Variants in CPLX2 observed in about 807,000 individuals in gnomAD.
CPLX2 encodes complexin-2.
In CPLX2, 5 loss-of-function variants were observed where a neutral mutation model predicts 16.3. The observed-to-expected ratio is 0.31, with a 90% confidence interval of 0.16 to 0.64. The LOEUF (loss-of-function observed/expected upper bound fraction) is 0.64, where lower values mean the gene tolerates loss of function less well. CPLX2 is among the 30% of genes least tolerant of loss of function. CPLX2 has a pLI of 0.79. For synonymous variants in CPLX2, 89 were observed against 73.2 expected, an observed-to-expected ratio of 1.22 and a Z score of -1.10; for missense variants, 144 against 181.4, an observed-to-expected ratio of 0.79 and a Z score of 1.18.
At chr5:175,814,206 C>T (rs184009727) in intron 2 of CPLX2, among the ~76,000 whole-genome samples, 1 of 152,340 alleles carries the variant, frequency 6.6e-6, no homozygotes, top group Admixed American at 6.5e-5. Context: ...GTCTCCAGGC[C>T]CCACCACAGC....
intron 2 of CPLX2, among the ~76,000 whole-genome samples, chr5:175,818,754 C>T (rs1399274169): frequency 1.4e-5 from 2 of 148,018 alleles, no homozygotes; most frequent in African/African-American, 2.5e-5. Flanking sequence ...CTCTGTCTCC[C>T]GGGTTCAAGC....
intron 2 of CPLX2, among the ~76,000 whole-genome samples, chr5:175,825,688 T>C (rs10062922): frequency 0.25 from 38,093 of 151,960 alleles, 5,653 homozygotes; most frequent in African/African-American, 0.4. Context: ...GCTCTCCTGG[T>C]CACCACCATC....
intron 2 of CPLX2, among the ~76,000 whole-genome samples, chr5:175,822,357 G>A (rs1251864465): frequency 6.6e-6 from 1 of 152,102 alleles, no homozygotes; most frequent in African/African-American, 2.4e-5. Flanking sequence ...ATGTCTAACA[G>A]ACCAGGGTCT....
Position 175,880,205 on chromosome 5 carries a change from A to C in CPLX2, c.*160A>C. The stretch of plus-strand genomic sequence containing the variant: ...CTTCTCCCCCTCAGCTCTCCCTCAC[A>C]CCTCCCTTCATCCCAGGGTATCCAC... On this transcript the variant is annotated 3_prime_UTR_variant, in exon 4 of 4. Transcript: ENST00000393745. The C allele has an allele frequency of 1.3e-6, 1 of 758,378 alleles. No homozygotes were observed. Among genetic ancestry groups the C allele is most frequent in the Non-Finnish European group, 2.3e-6 (1 of 425,598 alleles). The allele number at this position is 758,378 out of a possible 1,614,324, so 47.0% of individuals were successfully genotyped here.
chr5:175,878,522 G>A (rs1469386990), intron 1 of CPLX2, 130 bp from the exon 2 acceptor site: 1 of 600,914 alleles, frequency 1.7e-6, no homozygotes, highest in African/African-American at 1.9e-5. Flanking sequence ...CCTCCAGCAG[G>A]GCATTGGGTC....
chr5:175,851,602 A>G (rs1691135424), intron 2 of CPLX2, among the ~76,000 whole-genome samples: 1 of 152,198 alleles, frequency 6.6e-6, no homozygotes, highest in Non-Finnish European at 1.5e-5. Context: ...ATGGCTGCGG[A>G]AGCTCCCTCA....
At chr5:175,855,715 C>T (rs1393447539) in intron 2 of CPLX2, among the ~76,000 whole-genome samples, 3 of 152,116 alleles carry the variant, frequency 2.0e-5, no homozygotes, top group Non-Finnish European at 2.9e-5. Context: ...ATTTTCAGGA[C>T]GAGCCCCAGG....
chr5:175,871,456 A>AGAGAGAGAGAGAGAGAGGGAGG (rs1759607045), upstream of CPLX2: 2 of 122,816 alleles, frequency 1.6e-5, no homozygotes, highest in African/African-American at 6.1e-5. Flanking sequence ...AGAGAGAGAG[A>AGAGAGAGAGAGAGAGAGGGAGG]GAGAGAGAGA....
In CPLX2 at chr5:175,830,188, G is replaced by A. The variant is rs1300668339; in HGVS notation, c.-89+21120G>A. Among the ~76,000 whole-genome samples, 1 of 152,242 alleles carries A rather than the reference G, an allele frequency of 6.6e-6. No homozygotes were observed. The highest frequency in any genetic ancestry group is 1.9e-4 in the East Asian group (1 of 5,200). On this transcript the variant is annotated intron_variant, in intron 2 of 4. Coordinates refer to the CPLX2 transcript ENST00000359546. This position sits in a 1 kb window ranked among gnomAD's most constrained non-coding sequence, Gnocchi z 4.0. ...GTGTGGGCAGAGGGACAGGCAGGGA[G>A]GGCACTGCCGCCACAGAGCTGCCCT...
intron 2 of CPLX2, 59 bp from the exon 3 acceptor site, chr5:175,878,849 T>C: frequency 6.2e-7 from 1 of 1,606,610 alleles, no homozygotes; most frequent in African/African-American, 1.3e-5. Context: ...CCGGCCCCTC[T>C]CTCCCCAGCC....
intron 2 of CPLX2, among the ~76,000 whole-genome samples, chr5:175,856,923 G>A (rs567221719): frequency 7.9e-5 from 12 of 152,160 alleles, no homozygotes; most frequent in Non-Finnish European, 1.6e-4. Flanking sequence ...ATCCTTCACT[G>A]CGGACCTTGG....
At chr5:175,818,650 CTTTTTTTTTT>C (rs70988300) in intron 2 of CPLX2, among the ~76,000 whole-genome samples, 7 of 50,804 alleles carry the variant, frequency 1.4e-4, no homozygotes, top group Admixed American at 3.6e-4. Flanking sequence ...CTGTCCCAAC[CTTTTTTTTTT>C]TTTTTTTTTT....
chr5:175,802,815 C>T (rs955556342), intron 1 of CPLX2, among the ~76,000 whole-genome samples: 1 of 152,016 alleles, frequency 6.6e-6, no homozygotes, highest in African/African-American at 2.4e-5. Flanking sequence ...TGCTTCCTTC[C>T]TTCCTTTCTT....
At chr5:175,827,630 G>A (rs768180183) in intron 2 of CPLX2, among the ~76,000 whole-genome samples, 2 of 152,080 alleles carry the variant, frequency 1.3e-5, no homozygotes, top group African/African-American at 2.4e-5. Context: ...GGTCAGTGCC[G>A]AGCACCTGTA....
rs556299810 is a variant in CPLX2 at position 175,830,778 on chromosome 5, G to A, written c.-89+21710G>A. 1.1e-4 allele frequency among the ~76,000 whole-genome samples: 17 copies of A among 152,332 alleles called. No individual in the cohort carries two copies. The East Asian group carries it at 2.7e-3, about 24-fold the overall frequency. On this transcript the variant is annotated intron_variant, in intron 2 of 4. Coordinates refer to the CPLX2 transcript ENST00000359546. The surrounding 1 kb of genome is among the most constrained non-coding windows in gnomAD (Gnocchi z 4.0). The stretch of plus-strand genomic sequence containing the variant: ...AGATCCTCACCCCTGTGGGCTGGGG[G>A]CAGCGTTCACCCTGCTCACAGCTCA...
intron 1 of CPLX2, among the ~76,000 whole-genome samples, chr5:175,798,809 A>G (rs1227889617): frequency 6.6e-6 from 1 of 152,180 alleles, no homozygotes; most frequent in African/African-American, 2.4e-5. Context: ...CTCTCATCAC[A>G]CACACCCACA....
chr5:175,879,734 C>A, intron 3 of CPLX2, 114 bp from the exon 4 acceptor site: 1 of 949,592 alleles, frequency 1.1e-6, no homozygotes, highest in Non-Finnish European at 1.7e-6. Context: ...AATGACAGGA[C>A]TGAGGCTTGG....
chr5:175,855,516 C>G (rs918498422), intron 2 of CPLX2, among the ~76,000 whole-genome samples: 2 of 151,150 alleles, frequency 1.3e-5, no homozygotes, highest in East Asian at 1.9e-4. Flanking sequence ...GGGTAGATCT[C>G]TGGATTTCAG....
At chr5:175,869,806 G>A (rs57072219), upstream of CPLX2, among the ~76,000 whole-genome samples, 279 of 152,290 alleles carry the variant, frequency 1.8e-3, 2 homozygotes, top group African/African-American at 6.5e-3. Context: ...ATCTTAAAGT[G>A]TGGTGTCCAT....
Sources: gnomAD v4.1 joint callset for allele counts (sites outside exome capture counted in the v4.1 genomes callset) on GRCh38, gnomAD v4.1.1 for gene constraint, Gnocchi (gnomAD v3.1) non-coding constraint, MANE v1.5 for transcripts, NCBI Gene and HGNC (gene_info 2026-07-23, HGNC 2026-07-21) for gene names.